The following CACNG3 variants were observed in gnomAD, a reference collection of about 807,000 sequenced individuals.
CACNG3 encodes calcium voltage-gated channel auxiliary subunit gamma 3.
CACNG3 carries 3 observed loss-of-function variants against 28.5 expected under a neutral mutation model. That is an observed-to-expected ratio of 0.11 (90% CI 0.05 to 0.27). The LOEUF is 0.27. CACNG3 is among the 10% of genes least tolerant of loss of function. The pLI, the probability that CACNG3 is intolerant of heterozygous loss-of-function variation, is 1.00. For missense variants in CACNG3, 236 were observed against 414.4 expected (o/e 0.57, Z 3.74); for synonymous variants, 174 against 162.2 (o/e 1.07, Z -0.55).
At chr16:24,295,582 C>T (rs1382152343) in intron 1 of CACNG3, among the ~76,000 whole-genome samples, 2 of 152,122 alleles carry the variant, frequency 1.3e-5, no homozygotes, top group Non-Finnish European at 2.9e-5. Context: ...TGTGGTGGCT[C>T]ATGTCTGTAA....
intron 1 of CACNG3, among the ~76,000 whole-genome samples, chr16:24,297,570 T>A (rs913779351): frequency 6.6e-6 from 1 of 152,166 alleles, no homozygotes; most frequent in Non-Finnish European, 1.5e-5. Context: ...GAGAACCTAC[T>A]ACCTGCCAGG....
intron 2 of CACNG3, among the ~76,000 whole-genome samples, chr16:24,352,340 C>T (rs1899960352): frequency 6.6e-6 from 1 of 151,874 alleles, no homozygotes; most frequent in Non-Finnish European, 1.5e-5. Context: ...AGAGGCTCCT[C>T]CATTCACTCA....
At chr16:24,302,752 C>G (rs960825833) in intron 1 of CACNG3, among the ~76,000 whole-genome samples, 4 of 152,062 alleles carry the variant, frequency 2.6e-5, no homozygotes, top group African/African-American at 9.7e-5. Context: ...CTCTGCCTCC[C>G]AGATTCAAAT....
intron 1 of CACNG3, among the ~76,000 whole-genome samples, chr16:24,294,355 C>T (rs1017413408): frequency 6.6e-6 from 1 of 152,074 alleles, no homozygotes; most frequent in Non-Finnish European, 1.5e-5. Flanking sequence ...GCCAAGGCCT[C>T]GGGGTCCCCA....
chr16:24,299,238 G>C (rs530485059), intron 1 of CACNG3, among the ~76,000 whole-genome samples: 2 of 152,070 alleles, frequency 1.3e-5, no homozygotes, highest in Non-Finnish European at 2.9e-5. Flanking sequence ...ATTTACATCA[G>C]TATGGACTCA....
intron 1 of CACNG3, among the ~76,000 whole-genome samples, chr16:24,257,944 G>A (rs1898490462): frequency 6.6e-6 from 1 of 152,196 alleles, no homozygotes; most frequent in Non-Finnish European, 1.5e-5. Flanking sequence ...TAAATAGAAA[G>A]ATAAGGAAGA....
chr16:24,339,640 C>T (rs914046982), intron 1 of CACNG3, among the ~76,000 whole-genome samples: 2 of 152,214 alleles, frequency 1.3e-5, no homozygotes, highest in African/African-American at 4.8e-5. Context: ...CCGGCCTCAG[C>T]CTCCCAAAGT....
Position 24,333,230 on chromosome 16 carries a change from G to C in CACNG3, c.212-13504G>C, listed in dbSNP as rs571272770. The stretch of plus-strand genomic sequence containing the variant: ...ACCCTGCCACTCCGAAATCAACAAA[G>C]CTTACTTTTTTTGTTTACCCTAGTA... On this transcript the variant is annotated intron_variant, in intron 1 of 3. Coordinates refer to ENST00000005284, the MANE Select transcript of CACNG3 (RefSeq NM_006539.4). Among the ~76,000 whole-genome samples the C allele has an allele frequency of 2.0e-5, 3 of 152,138 alleles. No individual in the cohort carries two copies. The South Asian group carries it at 6.2e-4, about 32-fold the overall frequency.
intron 1 of CACNG3, among the ~76,000 whole-genome samples, chr16:24,332,564 G>A (rs535084926): frequency 3.9e-5 from 6 of 152,074 alleles, no homozygotes; most frequent in Admixed American, 2.6e-4. Context: ...TAACTGACTC[G>A]TTGTTCTCTT....
At chr16:24,257,137 G>A (rs2141341533) in intron 1 of CACNG3, among the ~76,000 whole-genome samples, 172 bp downstream of exon 1, 1 of 152,238 alleles carries the variant, frequency 6.6e-6, no homozygotes, top group Non-Finnish European at 1.5e-5. Flanking sequence ...GTGGGTTAAA[G>A]GGGTTGGGTC....
At chr16:24,359,823 A>G (rs922154604) in intron 3 of CACNG3, among the ~76,000 whole-genome samples, 2 of 152,202 alleles carry the variant, frequency 1.3e-5, no homozygotes, top group Non-Finnish European at 2.9e-5. Flanking sequence ...TAATTGTTCC[A>G]CTGCACTCCA....
At chr16:24,274,570 A>G (rs1898730391) in intron 1 of CACNG3, among the ~76,000 whole-genome samples, 1 of 152,178 alleles carries the variant, frequency 6.6e-6, no homozygotes, top group African/African-American at 2.4e-5. Flanking sequence ...CTTAGGGAAG[A>G]CTGAGGCAAA....
chr16:24,260,540 C>T (rs774484482), intron 1 of CACNG3, among the ~76,000 whole-genome samples: 37 of 152,234 alleles, frequency 2.4e-4, no homozygotes, highest in Non-Finnish European at 3.7e-4. Context: ...TAACCTTAGT[C>T]GTGCTGCCTC....
At chr16:24,279,577 C>T (rs942852759) in intron 1 of CACNG3, among the ~76,000 whole-genome samples, 1 of 152,122 alleles carries the variant, frequency 6.6e-6, no homozygotes, top group African/African-American at 2.4e-5. Context: ...AGTGCTGGAA[C>T]TACAAGGGTG....
At chr16:24,269,713 C>A in intron 1 of CACNG3, among the ~76,000 whole-genome samples, 1 of 124,560 alleles carries the variant, frequency 8.0e-6, no homozygotes. Flanking sequence ...CACCATTGCA[C>A]TCCAGCCTGG....
At chr16:24,284,612 T>G (rs1049776402) in intron 1 of CACNG3, among the ~76,000 whole-genome samples, 1 of 152,218 alleles carries the variant, frequency 6.6e-6, no homozygotes, top group African/African-American at 2.4e-5. Flanking sequence ...GTTTTGAATT[T>G]TCATCTCTTT....
At chr16:24,283,306 T>C (rs186532669) in intron 1 of CACNG3, among the ~76,000 whole-genome samples, 93 of 152,310 alleles carry the variant, frequency 6.1e-4, no homozygotes, top group Admixed American at 2.5e-3. Context: ...TCGACATCTT[T>C]AGGATATTGA....
At chr16:24,326,623 G>A (rs1210522353) in intron 1 of CACNG3, among the ~76,000 whole-genome samples, 1 of 152,156 alleles carries the variant, frequency 6.6e-6, no homozygotes, top group Non-Finnish European at 1.5e-5. Context: ...CACCCTCTTA[G>A]CCAACCACTG....
intron 2 of CACNG3, among the ~76,000 whole-genome samples, chr16:24,350,162 C>G (rs928441458): frequency 6.6e-6 from 1 of 152,222 alleles, no homozygotes; most frequent in Non-Finnish European, 1.5e-5. Context: ...CTGTCTGAGG[C>G]AGACACTTAT....
Sources: gnomAD v4.1 joint callset for allele counts (sites outside exome capture counted in the v4.1 genomes callset) on GRCh38, gnomAD v4.1.1 for gene constraint, MANE v1.5 for transcripts, NCBI Gene and HGNC (gene_info 2026-07-23, HGNC 2026-07-21) for gene names.